ARHGAP29: variants seen among roughly 807,000 people sequenced by gnomAD.
ARHGAP29 encodes the protein Rho GTPase activating protein 29.
In ARHGAP29, 43 loss-of-function variants were observed where a neutral mutation model predicts 122.6. The observed-to-expected ratio is 0.35, with a 90% CI of 0.27 to 0.45. The LOEUF (loss-of-function observed/expected upper bound fraction) is 0.45, where lower values mean the gene tolerates loss of function less well. Among genes scored for constraint, ARHGAP29 ranks in the 20% least tolerant of loss-of-function variants. The pLI, the probability that ARHGAP29 is intolerant of heterozygous loss-of-function variation, is 1.00. For missense variants in ARHGAP29, 1,303 were observed against 1,477.2 expected (o/e 0.88, Z 1.93); for synonymous variants, 506 against 497.1 (o/e 1.02, Z -0.24).
intron 2 of ARHGAP29, among the ~76,000 whole-genome samples, chr1:94,222,053 A>G (rs889869790): frequency 6.6e-6 from 1 of 152,152 alleles, no homozygotes; most frequent in African/African-American, 2.4e-5. Context: ...ACAGGAACCA[A>G]CTGAAAGTTT....
chr1:94,184,352 A>G, intron 18 of ARHGAP29, 64 bp from the exon 19 acceptor site: 1 of 1,173,642 alleles, frequency 8.5e-7, no homozygotes, highest in South Asian at 1.4e-5. Flanking sequence ...AAATGCAGAT[A>G]TCTACATATA....
chr1:94,288,279 G>T, the ARHGAP29 span, among the ~76,000 whole-genome samples: 29 of 152,178 alleles, frequency 1.9e-4, no homozygotes, highest in Non-Finnish European at 3.4e-4. Flanking sequence ...ATGTATGTTG[G>T]CTGCATAAAT....
intron 12 of ARHGAP29, among the ~76,000 whole-genome samples, chr1:94,199,701 A>G (rs1279343283): frequency 6.6e-6 from 1 of 152,202 alleles, no homozygotes; most frequent in African/African-American, 2.4e-5. Flanking sequence ...CACACTAGCC[A>G]ATCCTAAACA....
chr1:94,313,406 C>G, the ARHGAP29 span, among the ~76,000 whole-genome samples: 1 of 152,172 alleles, frequency 6.6e-6, no homozygotes, highest in Non-Finnish European at 1.5e-5. Context: ...TTGATATTAA[C>G]CCTATTATTG....
the ARHGAP29 span, among the ~76,000 whole-genome samples, chr1:94,293,352 C>T: frequency 6.6e-6 from 1 of 152,188 alleles, no homozygotes; most frequent in African/African-American, 2.4e-5. Context: ...AGTAATTGGC[C>T]AGAAGTGTAC....
At chr1:94,207,119 G>A (rs75840800) in intron 5 of ARHGAP29, among the ~76,000 whole-genome samples, 28,205 of 150,670 alleles carry the variant, frequency 0.19, 3,224 homozygotes, top group East Asian at 0.31. Flanking sequence ...AGTGATTCTC[G>A]TGCCTCAGCC....
intron 12 of ARHGAP29, among the ~76,000 whole-genome samples, chr1:94,199,728 C>T (rs1169531031): frequency 6.6e-6 from 1 of 152,198 alleles, no homozygotes; most frequent in East Asian, 1.9e-4. Context: ...CTTGCCTTTC[C>T]TGAGGAAACC....
At chr1:94,188,725 T>C (rs1649956249) in intron 15 of ARHGAP29, 112 bp downstream of exon 15, 4 of 862,374 alleles carry the variant, frequency 4.6e-6, no homozygotes, top group East Asian at 5.1e-5. Flanking sequence ...TTGTACACTT[T>C]CCTCTCTATT....
chr1:94,255,331 A>C (rs943258793), intron 1 of ARHGAP29, among the ~76,000 whole-genome samples: 2 of 152,188 alleles, frequency 1.3e-5, no homozygotes, highest in African/African-American at 4.8e-5. Context: ...CCATGCTGAC[A>C]CCTTGATGTC....
chr1:94,261,853 C>T (rs910492532), intron 1 of ARHGAP29, among the ~76,000 whole-genome samples: 2 of 152,136 alleles, frequency 1.3e-5, no homozygotes, highest in African/African-American at 4.8e-5. Flanking sequence ...AGATTCAATG[C>T]TATTCTTATC....
chr1:94,257,335 G>A (rs905187900), intron 1 of ARHGAP29, among the ~76,000 whole-genome samples: 3 of 152,090 alleles, frequency 2.0e-5, no homozygotes, highest in African/African-American at 7.2e-5. Flanking sequence ...CCTGGAGGTG[G>A]AGGTTGCAGT....
chr1:94,232,764 T>C (rs1570581745), intron 1 of ARHGAP29, among the ~76,000 whole-genome samples: 1 of 152,182 alleles, frequency 6.6e-6, no homozygotes, highest in African/African-American at 2.4e-5. Context: ...AAAGTTCTAA[T>C]CTTGTTTGTA....
chr1:94,248,884 T>C (rs190049211), intron 1 of ARHGAP29, among the ~76,000 whole-genome samples: 1 of 152,290 alleles, frequency 6.6e-6, no homozygotes, highest in East Asian at 1.9e-4. Context: ...GTTGTTTATT[T>C]TTATGTTTTG....
chr1:94,188,939 G>A lies in ARHGAP29; in HGVS notation c.1579C>T (p.Pro527Ser). 1 of 1,611,420 alleles carries A rather than the reference G, an allele frequency of 6.2e-7. No individual in the cohort carries two copies. Among genetic ancestry groups the A allele is most frequent in the Non-Finnish European group, 8.5e-7 (1 of 1,178,390 alleles). Residue 527 changes from proline (P) to serine (S), a missense_variant and splice_region_variant, in exon 15 of 23, where the codon CCT becomes TCT. Pro to Ser is a moderately conservative substitution (Grantham distance 74). This residue lies in a region of ARHGAP29 where 592 missense variants were observed against 648.2 expected (regional missense o/e 0.91). Coordinates refer to ENST00000260526, the MANE Select transcript of ARHGAP29 (RefSeq NM_004815.4). ...AATGTCCATGATCTTATAAAGGAAGGACCTTTAATAAAAAGAATAAAGTCA... is the reference window on the plus strand; with the variant it reads ...AATGTCCATGATCTTATAAAGGAAGAACCTTTAATAAAAAGAATAAAGTCA... ...RCSNSADITG[P>S]SFIRSWTFGM...
intron 3 of ARHGAP29, 107 bp from the exon 4 acceptor site, chr1:94,209,457 A>G: frequency 1.6e-6 from 1 of 608,228 alleles, no homozygotes; most frequent in Non-Finnish European, 2.6e-6. Flanking sequence ...AAGCATTAGA[A>G]GATTCAGAAA....
chr1:94,211,275 A>AGGC (rs1221450000), intron 3 of ARHGAP29, among the ~76,000 whole-genome samples: 1 of 109,842 alleles, frequency 9.1e-6, no homozygotes, highest in African/African-American at 3.4e-5. Context: ...CGACAGAGCA[A>AGGC]GGCTCTGGCT....
chr1:94,308,286 G>A, the ARHGAP29 span, among the ~76,000 whole-genome samples: 1 of 152,180 alleles, frequency 6.6e-6, no homozygotes, highest in Non-Finnish European at 1.5e-5. Context: ...AAAGTAGGCA[G>A]GAAAGATGGT....
intron 12 of ARHGAP29, chr1:94,190,448 T>C (rs925126571): frequency 1.2e-5 from 2 of 164,692 alleles, no homozygotes; most frequent in African/African-American, 4.8e-5. Context: ...GAGAAAAACA[T>C]GGGGAAAACA....
At chr1:94,257,107 C>G (rs1295293810) in intron 1 of ARHGAP29, among the ~76,000 whole-genome samples, 1 of 152,028 alleles carries the variant, frequency 6.6e-6, no homozygotes, top group African/African-American at 2.4e-5. Context: ...GAAGACACTT[C>G]AAGAATCTTG....
Sources: allele counts gnomAD v4.1 joint callset (sites outside exome capture counted in the v4.1 genomes callset), GRCh38; gene constraint gnomAD v4.1.1; regional missense constraint gnomAD v4.1.1; transcripts MANE v1.5; gene names NCBI Gene and HGNC (gene_info 2026-07-23, HGNC 2026-07-21).